The following ABCA4 variants were observed in gnomAD, a reference collection of about 807,000 sequenced individuals.
The protein encoded by ABCA4 is ATP binding cassette subfamily A member 4.
In ABCA4, 196 loss-of-function variants were observed where a neutral mutation model predicts 263.7. The ratio of observed to expected loss-of-function variants is 0.74; its 90% CI spans 0.66 to 0.84. The LOEUF is 0.84. Ranked by LOEUF, ABCA4 falls within the 40% of genes least tolerant of loss-of-function variation. ABCA4 has a pLI of 0.00. For synonymous variants in ABCA4, 1,133 were observed against 1,094.2 expected (o/e 1.04, Z -0.70); for missense variants, 2,792 against 2,855.1 (o/e 0.98, Z 0.50).
rs535343260 is a variant in ABCA4, at chr1:94,016,394, C to T, written c.5197-540G>A. Among the ~76,000 whole-genome samples the T allele has an allele frequency of 8.5e-5, 13 of 152,142 alleles. No individual in the cohort carries two copies. In the East Asian group the frequency reaches 9.7e-4, roughly 11 times the overall value. On this transcript the variant is annotated intron_variant, in intron 36 of 49. Transcript: ENST00000370225. ...CTGCCGTGGGGTGTGGAGGCCTCAA[C>T]GGGATGAGAAAGATATCCTTACAGG...
At chr1:94,033,304 G>A (rs1268092905) in intron 26 of ABCA4, among the ~76,000 whole-genome samples, 1 of 151,662 alleles carries the variant, frequency 6.6e-6, no homozygotes, top group Non-Finnish European at 1.5e-5. Flanking sequence ...TGTGCCTGTA[G>A]TCCCAGCTAC....
At chr1:93,996,687 T>TA (rs892020124) in intron 48 of ABCA4, among the ~76,000 whole-genome samples, 10 of 151,792 alleles carry the variant, frequency 6.6e-5, no homozygotes, top group Non-Finnish European at 4.4e-5. Context: ...TGTTTATTTT[T>TA]AAAAAAACAT....
chr1:94,077,016 T>C (rs1264030199), intron 11 of ABCA4, among the ~76,000 whole-genome samples: 1 of 152,208 alleles, frequency 6.6e-6, no homozygotes, highest in African/African-American at 2.4e-5. Flanking sequence ...TGGCTTCTCA[T>C]CTGCAAATTG....
At chr1:94,047,332 T>C (rs879903132) in intron 18 of ABCA4, among the ~76,000 whole-genome samples, 1 of 152,214 alleles carries the variant, frequency 6.6e-6, no homozygotes, top group Non-Finnish European at 1.5e-5. Context: ...CTCAATGTAC[T>C]CTTACAATGG....
In ABCA4 at chr1:94,121,051, T is replaced by C; in HGVS notation, c.-6A>G. 6.2e-7 allele frequency: 1 copy of C among 1,614,202 alleles called. No homozygotes were observed. Among genetic ancestry groups the C allele is most frequent in the Non-Finnish European group, 8.5e-7 (1 of 1,180,026 alleles). On this transcript the variant is annotated 5_prime_UTR_variant, in exon 1 of 50. Transcript: ENST00000370225. The stretch of plus-strand genomic sequence containing the variant: ...ATCTGTCTCACGAAGCCCATGCTAA[T>C]GACCACACGAAGACCAGATTGGTCA...
At chr1:94,084,888 G>A (rs1314783002) in intron 6 of ABCA4, among the ~76,000 whole-genome samples, 1 of 152,162 alleles carries the variant, frequency 6.6e-6, no homozygotes, top group Non-Finnish European at 1.5e-5. Context: ...TGTGAAGGGA[G>A]GAAGCAAGTA....
At chr1:94,102,986 G>A in intron 5 of ABCA4, 29 bp downstream of exon 5, 1 of 1,614,068 alleles carries the variant, frequency 6.2e-7, no homozygotes, top group Non-Finnish European at 8.5e-7. Context: ...CTCCCCTCCA[G>A]GGACCACTGG....
rs1553189179 is a variant in ABCA4 at position 94,027,381 on chromosome 1, G to A, written c.4539+2064C>T. 6.6e-6 allele frequency among the ~76,000 whole-genome samples: 1 copy of A among 152,174 alleles called. No individual in the cohort carries two copies. The highest frequency in any genetic ancestry group is 6.5e-5 in the Admixed American group (1 of 15,280). ...CCCTCGCCCTGGCCAAGAGCTCAGG[G>A]TACAGTATCACAGCCTTGACGTCCT... On this transcript the variant is annotated intron_variant, in intron 30 of 49. Transcript: ENST00000370225.
At chr1:94,077,008 G>A (rs575470765) in intron 11 of ABCA4, among the ~76,000 whole-genome samples, 14 of 152,302 alleles carry the variant, frequency 9.2e-5, no homozygotes, top group African/African-American at 3.1e-4. Context: ...TTAAGCCCTG[G>A]CTTCTCATCT....
intron 30 of ABCA4, among the ~76,000 whole-genome samples, chr1:94,027,050 G>A (rs1021366221): frequency 6.6e-6 from 1 of 151,972 alleles, no homozygotes; most frequent in Non-Finnish European, 1.5e-5. Flanking sequence ...GAGACAGAGA[G>A]ATTGAGAGAG....
chr1:94,025,115 T>C (rs560416560), intron 30 of ABCA4, 67 bp from the exon 31 acceptor site: 7 of 1,339,874 alleles, frequency 5.2e-6, no homozygotes, highest in Non-Finnish European at 7.5e-6. Flanking sequence ...TTTGTGAAAC[T>C]GCTTGTTGTC....
intron 32 of ABCA4, among the ~76,000 whole-genome samples, chr1:94,022,645 C>G (rs1659934352): frequency 6.6e-6 from 1 of 152,174 alleles, no homozygotes; most frequent in South Asian, 2.1e-4. Context: ...ACTCCCTGGC[C>G]TCAAACCCTT....
At chr1:94,108,068 T>C (rs1304232195) in intron 4 of ABCA4, among the ~76,000 whole-genome samples, 1 of 152,156 alleles carries the variant, frequency 6.6e-6, no homozygotes, top group African/African-American at 2.4e-5. Context: ...CACTCTCCAC[T>C]TGCTCTGCCT....
intron 49 of ABCA4, among the ~76,000 whole-genome samples, chr1:93,994,363 C>A (rs960184243): frequency 2.0e-5 from 3 of 152,142 alleles, no homozygotes; most frequent in Non-Finnish European, 2.9e-5. Flanking sequence ...TCTTGGTAAG[C>A]AAACGCTGAT....
chr1:94,042,190 C>T (rs1035828839), intron 22 of ABCA4, among the ~76,000 whole-genome samples: 8 of 151,476 alleles, frequency 5.3e-5, no homozygotes, highest in East Asian at 1.9e-4. Flanking sequence ...CACGGGGCAA[C>T]GCTGTGTGAG....
intron 48 of ABCA4, 91 bp downstream of exon 48, chr1:93,997,770 T>C (rs753661483): frequency 6.5e-7 from 1 of 1,537,320 alleles, no homozygotes; most frequent in Non-Finnish European, 8.9e-7. Flanking sequence ...AAATCGGGAA[T>C]GTTATGCCTC....
At chr1:94,119,984 C>T (rs57594899) in intron 1 of ABCA4, among the ~76,000 whole-genome samples, 2,421 of 152,296 alleles carry the variant, frequency 0.016, 18 homozygotes, top group Middle Eastern at 0.034. Flanking sequence ...ACCCAGCCCC[C>T]ATCCCTTATC....
At chr1:94,103,573 C>G (rs1302147671) in intron 4 of ABCA4, among the ~76,000 whole-genome samples, 1 of 152,086 alleles carries the variant, frequency 6.6e-6, no homozygotes, top group African/African-American at 2.4e-5. Flanking sequence ...CCTGCAAGGC[C>G]CAAGACACTC....
intron 36 of ABCA4, chr1:94,018,508 T>C (rs1198996251): frequency 2.2e-6 from 1 of 453,586 alleles, no homozygotes; most frequent in African/African-American, 2.0e-5. Flanking sequence ...TTTGTATTGT[T>C]AAGTGATAGC....
Sources: allele counts gnomAD v4.1 joint callset (sites outside exome capture counted in the v4.1 genomes callset), GRCh38; gene constraint gnomAD v4.1.1; transcripts MANE v1.5; gene names NCBI Gene and HGNC (gene_info 2026-07-23, HGNC 2026-07-21).